The following MAPKAPK5 variants were observed in gnomAD, a reference collection of about 807,000 sequenced individuals.
MAPKAPK5 encodes the protein MAPK activated protein kinase 5.
A neutral mutation model predicts 65.1 loss-of-function variants in MAPKAPK5; 30 were observed. The ratio of observed to expected loss-of-function variants is 0.46; its 90% confidence interval spans 0.34 to 0.63. The LOEUF (loss-of-function observed/expected upper bound fraction) is 0.63. MAPKAPK5 is among the 20% of genes least tolerant of loss of function. The pLI, the probability that MAPKAPK5 is intolerant of heterozygous loss-of-function variation, is 0.01. For synonymous variants in MAPKAPK5, 179 were observed against 204.6 expected, an observed-to-expected ratio of 0.87 and a Z score of 1.07; for missense variants, 433 against 581.4, an observed-to-expected ratio of 0.74 and a Z score of 2.63.
intron 9 of MAPKAPK5, among the ~76,000 whole-genome samples, chr12:111,884,832 T>C (rs1210935934): frequency 3.3e-5 from 5 of 152,126 alleles, no homozygotes; most frequent in Admixed American, 6.5e-5. Context: ...TACAGCCATT[T>C]CTCCGTGGAA....
intron 7 of MAPKAPK5, among the ~76,000 whole-genome samples, chr12:111,878,617 C>T (rs1593169637): frequency 2.0e-5 from 3 of 152,094 alleles, no homozygotes; most frequent in East Asian, 3.9e-4. Flanking sequence ...GACGGGGTTT[C>T]ACCATGTTAG....
intron 1 of MAPKAPK5, among the ~76,000 whole-genome samples, chr12:111,847,809 C>T (rs1350956624): frequency 6.6e-6 from 1 of 152,192 alleles, no homozygotes; most frequent in Non-Finnish European, 1.5e-5. Context: ...TCGCCCCTTA[C>T]GGCCACTGAT....
At chr12:111,857,461 C>T (rs2069282096) in intron 1 of MAPKAPK5, among the ~76,000 whole-genome samples, 1 of 152,166 alleles carries the variant, frequency 6.6e-6, no homozygotes, top group Non-Finnish European at 1.5e-5. Context: ...CCATGTTGGC[C>T]AGGCTGGTCT....
chr12:111,883,853 T>C lies in MAPKAPK5; in HGVS notation c.848+85T>C, dbSNP rs1408784113. On this transcript the variant is annotated intron_variant, in intron 9 of 13. Transcript: ENST00000550735. This position sits in a 1 kb window ranked among gnomAD's most constrained non-coding sequence, Gnocchi z 4.8. ...GGGAATGTGGGTAGAGAAAAGTCAC[T>C]GGTTTCCTAGGCAGGCTCCTCCCCG... The C allele has an allele frequency of 4.3e-6, 6 of 1,391,998 alleles. No individual in the cohort carries two copies. The highest frequency in any genetic ancestry group is 4.8e-6 in the Non-Finnish European group (5 of 1,032,622). 86.2% of individuals were successfully genotyped at this position (1,391,998 alleles called of 1,614,324 possible). A position where few individuals can be genotyped will look rare whatever the true frequency, so the allele number is the denominator to read the frequency against.
Position 111,901,448 on chromosome 12 carries a change from A to G in MAPKAPK5, c.*8387A>G, listed in dbSNP as rs911353614. ...ACAATATGACTCATTCCAGACGTGA[A>G]GAACATGCTGTAGACATGATGATAT... On this transcript the variant is annotated 3_prime_UTR_variant, in exon 14 of 14. Coordinates refer to ENST00000550735, the MANE Select transcript of MAPKAPK5 (RefSeq NM_003668.4). 22 of 455,908 alleles carry G rather than the reference A, an allele frequency of 4.8e-5. No individual in the cohort carries two copies. The highest frequency in any genetic ancestry group is 7.9e-5 in the Non-Finnish European group (18 of 226,774). 28.2% of individuals were successfully genotyped at this position (455,908 alleles called of 1,614,324 possible). A position where few individuals can be genotyped will look rare whatever the true frequency, so the allele number is the denominator to read the frequency against.
chr12:111,844,849 C>T (rs1274295647), intron 1 of MAPKAPK5, among the ~76,000 whole-genome samples: 2 of 152,158 alleles, frequency 1.3e-5, no homozygotes, highest in Non-Finnish European at 2.9e-5. Flanking sequence ...AAGGACAGAC[C>T]TTGAGGTAGA....
intron 8 of MAPKAPK5, among the ~76,000 whole-genome samples, chr12:111,881,403 C>T (rs11066060): frequency 0.26 from 28,154 of 108,824 alleles, 4,766 homozygotes; most frequent in East Asian, 0.86. Context: ...CTGTCTGTTC[C>T]TTTTTTTTTT....
intron 7 of MAPKAPK5, among the ~76,000 whole-genome samples, chr12:111,872,631 C>CA (rs2069819602): frequency 6.6e-6 from 1 of 152,154 alleles, no homozygotes; most frequent in South Asian, 2.1e-4. Context: ...AAATGGTACT[C>CA]AGTGCTATAA....
At chr12:111,857,903 T>TTG (rs754959604) in intron 1 of MAPKAPK5, among the ~76,000 whole-genome samples, 3 of 151,524 alleles carry the variant, frequency 2.0e-5, no homozygotes, top group Middle Eastern at 3.4e-3. Flanking sequence ...GTGTGTGTGT[T>TTG]TGTGTGTGTG....
rs1361407686 is a variant in MAPKAPK5, at chr12:111,868,877, G to A, written c.393+16G>A. The A allele has an allele frequency of 6.5e-7, 1 of 1,536,676 alleles. No homozygotes were observed. The highest frequency in any genetic ancestry group is 1.2e-5 in the South Asian group (1 of 81,658). ...AACAAAGCAGGCAAGTTAACCCCAG[G>A]TACCAATCAAACTGCCACCAAAGTT... On this transcript the variant is annotated intron_variant, in intron 5 of 13. Coordinates refer to ENST00000550735, the MANE Select transcript of MAPKAPK5 (RefSeq NM_003668.4).
chr12:111,861,484 C>T lies in MAPKAPK5; in HGVS notation c.37-3766C>T, dbSNP rs371062185. ...GCTGGGATTACAGGCGCCGCCACCA[C>T]ACCCGGCTAATTTTTTTATTTTTAG... On this transcript the variant is annotated intron_variant, in intron 1 of 13. Coordinates refer to ENST00000550735, the MANE Select transcript of MAPKAPK5 (RefSeq NM_003668.4). 2.1e-3 allele frequency among the ~76,000 whole-genome samples: 317 copies of T among 152,100 alleles called. 2 individuals carry two copies. The highest frequency in any genetic ancestry group is 7.3e-3 in the African/African-American group (303 of 41,506).
At chr12:111,872,150 C>T (rs766461747) in intron 7 of MAPKAPK5, among the ~76,000 whole-genome samples, 8 of 152,106 alleles carry the variant, frequency 5.3e-5, no homozygotes, top group Non-Finnish European at 7.4e-5. Flanking sequence ...ACTTCTTTTA[C>T]AGTTTTTGGG....
chr12:111,854,327 C>T (rs928893522), intron 1 of MAPKAPK5, among the ~76,000 whole-genome samples: 4 of 151,732 alleles, frequency 2.6e-5, no homozygotes, highest in South Asian at 2.1e-4. Flanking sequence ...CTGCAACCTC[C>T]GCCTCCCTGG....
chr12:111,870,049 C>T (rs751968604), intron 5 of MAPKAPK5, among the ~76,000 whole-genome samples: 1 of 152,198 alleles, frequency 6.6e-6, no homozygotes, highest in Non-Finnish European at 1.5e-5. Flanking sequence ...GCTGTACCAT[C>T]ATATTTTTCT....
intron 12 of MAPKAPK5, 61 bp downstream of exon 12, chr12:111,889,061 G>T: frequency 6.5e-7 from 1 of 1,530,276 alleles, no homozygotes; most frequent in Admixed American, 2.0e-5. Context: ...TGCAGGGGTG[G>T]GTGGGTGTAT....
chr12:111,889,138 G>A, intron 12 of MAPKAPK5, 138 bp downstream of exon 12: 1 of 975,078 alleles, frequency 1.0e-6, no homozygotes, highest in South Asian at 1.7e-5. Context: ...TATAAGAAAA[G>A]TACATTATAT....
chr12:111,857,370 TA>T (rs761215382), intron 1 of MAPKAPK5, among the ~76,000 whole-genome samples: 13 of 152,220 alleles, frequency 8.5e-5, no homozygotes, highest in Non-Finnish European at 1.9e-4. Context: ...CCCTCCGTAG[TA>T]GCTGGGAATA....
intron 1 of MAPKAPK5, among the ~76,000 whole-genome samples, chr12:111,856,425 A>C (rs1340538435): frequency 1.0e-4 from 11 of 105,600 alleles, no homozygotes; most frequent in African/African-American, 2.8e-4. Flanking sequence ...TTTTTTTTTG[A>C]GACGGAGTCT....
At position 111,895,931 on chromosome 12, in the gene MAPKAPK5, C is replaced by T. The variant is rs1010747277; in HGVS notation, c.*2870C>T. 1 of 152,102 alleles carries T rather than the reference C, an allele frequency of 6.6e-6. No individual in the cohort carries two copies. The highest frequency in any genetic ancestry group is 1.5e-5 in the Non-Finnish European group (1 of 68,030). The allele number at this position is 152,102 out of a possible 1,614,324, so 9.4% of individuals were successfully genotyped here. ...CTTGACTGAGAGTTGAATTAAGTGCCTGTTGTTGTGTTTTTCAGTGAAATG... is the reference window on the plus strand; with the variant it reads ...CTTGACTGAGAGTTGAATTAAGTGCTTGTTGTTGTGTTTTTCAGTGAAATG... On this transcript the variant is annotated 3_prime_UTR_variant, in exon 14 of 14. Coordinates refer to ENST00000550735, the MANE Select transcript of MAPKAPK5 (RefSeq NM_003668.4).
Sources: gnomAD v4.1 joint callset for allele counts (sites outside exome capture counted in the v4.1 genomes callset) on GRCh38, gnomAD v4.1.1 for gene constraint, Gnocchi (gnomAD v3.1) non-coding constraint, MANE v1.5 for transcripts, NCBI Gene and HGNC (gene_info 2026-07-23, HGNC 2026-07-21) for gene names.